The following RBFOX3 variants were observed in gnomAD, a reference collection of about 807,000 sequenced individuals.
The protein encoded by RBFOX3 is RNA binding fox-1 homolog 3, also known as RNA binding protein fox-1 homolog 3.
A neutral mutation model predicts 48.7 loss-of-function variants in RBFOX3; 17 were observed. That is an observed-to-expected ratio of 0.35 (90% CI 0.24 to 0.52). The LOEUF is 0.52. Among genes scored for constraint, RBFOX3 ranks in the 20% least tolerant of loss-of-function variants. The pLI is 0.94. For synonymous variants in RBFOX3, 212 were observed against 209.5 expected (o/e 1.01, Z -0.10); for missense variants, 382 against 497.5 (o/e 0.77, Z 2.21).
At chr17:79,116,184 T>C (rs1013867698) in intron 4 of RBFOX3, among the ~76,000 whole-genome samples, 3 of 152,170 alleles carry the variant, frequency 2.0e-5, no homozygotes, top group African/African-American at 7.2e-5. Flanking sequence ...CTGACATGGA[T>C]TCACACAACA....
intron 2 of RBFOX3, among the ~76,000 whole-genome samples, chr17:79,310,693 G>C (rs1330699768): frequency 6.6e-6 from 1 of 152,202 alleles, no homozygotes; most frequent in Non-Finnish European, 1.5e-5. Flanking sequence ...TCTGTGGAGG[G>C]AGCACCGCTC....
intron 2 of RBFOX3, among the ~76,000 whole-genome samples, chr17:79,409,465 C>G (rs1456621583): frequency 6.6e-6 from 1 of 152,214 alleles, no homozygotes; most frequent in Non-Finnish European, 1.5e-5. Flanking sequence ...TCCAACAATG[C>G]ACAAGGGTTC....
chr17:79,395,800 A>G (rs1394779546), intron 2 of RBFOX3, among the ~76,000 whole-genome samples: 3 of 152,198 alleles, frequency 2.0e-5, no homozygotes, highest in Admixed American at 1.3e-4. Flanking sequence ...TCAGCCCTGG[A>G]TTGAGGCTGC....
intron 2 of RBFOX3, among the ~76,000 whole-genome samples, chr17:79,407,079 C>T (rs950923287): frequency 8.5e-5 from 13 of 152,370 alleles, no homozygotes; most frequent in African/African-American, 3.1e-4. Context: ...GCAATCTTGG[C>T]TCACTGCAAC....
chr17:79,113,809 A>G (rs2032929593), intron 5 of RBFOX3, among the ~76,000 whole-genome samples: 1 of 152,114 alleles, frequency 6.6e-6, no homozygotes, highest in African/African-American at 2.4e-5. Flanking sequence ...TCTTCTTTGT[A>G]GCCTCAGTGC....
intron 4 of RBFOX3, among the ~76,000 whole-genome samples, chr17:79,127,536 G>C (rs2037619389): frequency 6.6e-6 from 1 of 152,180 alleles, no homozygotes; most frequent in Admixed American, 6.5e-5. Context: ...GGTCAAAGAA[G>C]TTTTAGGGAA....
the RBFOX3 span, among the ~76,000 whole-genome samples, chr17:79,627,941 C>A: frequency 6.6e-6 from 1 of 151,654 alleles, no homozygotes; most frequent in Non-Finnish European, 1.5e-5. Flanking sequence ...CGTCAACCCC[C>A]TCACCTCTGT....
upstream of RBFOX3, among the ~76,000 whole-genome samples, chr17:79,614,590 TATTAGGC>T (rs1195520225): frequency 6.6e-6 from 1 of 152,052 alleles, no homozygotes; most frequent in Non-Finnish European, 1.5e-5. Context: ...AGGAAACAGA[TATTAGGC>T]AGGGAGGAGA....
intron 2 of RBFOX3, among the ~76,000 whole-genome samples, chr17:79,420,128 T>G: frequency 8.7e-6 from 1 of 114,370 alleles, no homozygotes; most frequent in South Asian, 3.0e-4. Context: ...CTCCGTCTCA[T>G]ACACACACAC....
In RBFOX3 at chr17:79,175,569, G is replaced by A. The variant is rs572548354; in HGVS notation, c.-33-59821C>T. ...AGCAGCCCTCTTCCTGTCTCCAGGC[G>A]GTCCAGGGCCTGGCAGACACACTGC... On this transcript the variant is annotated intron_variant, in intron 4 of 14. Coordinates refer to ENST00000693108, the MANE Select transcript of RBFOX3 (RefSeq NM_001350451.2). Among the ~76,000 whole-genome samples, 9 of 152,336 alleles carry A rather than the reference G, an allele frequency of 5.9e-5. No individual in the cohort carries two copies. In the South Asian group the frequency reaches 8.3e-4, roughly 14 times the overall value.
intron 4 of RBFOX3, among the ~76,000 whole-genome samples, chr17:79,209,772 T>C (rs2058098116): frequency 6.6e-6 from 1 of 151,896 alleles, no homozygotes; most frequent in Non-Finnish European, 1.5e-5. Context: ...GGCGGGTGGA[T>C]CACGAGGTCA....
At chr17:79,568,063 G>A (rs1033230307) in intron 1 of RBFOX3, among the ~76,000 whole-genome samples, 7 of 152,168 alleles carry the variant, frequency 4.6e-5, no homozygotes, top group African/African-American at 7.2e-5. Context: ...GTGTACTTGC[G>A]CTGGGTACTT....
At chr17:79,207,669 T>C (rs1435499996) in intron 4 of RBFOX3, among the ~76,000 whole-genome samples, 2 of 152,056 alleles carry the variant, frequency 1.3e-5, no homozygotes, top group Admixed American at 1.3e-4. Context: ...GGGCCTAAGC[T>C]CCCTTCCCTT....
At chr17:79,248,955 G>A (rs991810073) in intron 3 of RBFOX3, among the ~76,000 whole-genome samples, 1 of 152,062 alleles carries the variant, frequency 6.6e-6, no homozygotes, top group Non-Finnish European at 1.5e-5. Context: ...CTGTGGGAGG[G>A]CCCCCGCCTG....
chr17:79,240,007 A>G (rs11658596), intron 3 of RBFOX3, among the ~76,000 whole-genome samples: 50,576 of 152,020 alleles, frequency 0.33, 8,892 homozygotes, highest in East Asian at 0.59. Flanking sequence ...CCTGGCTCAC[A>G]GTTCAACTTC....
chr17:79,634,152 C>T, the RBFOX3 span, among the ~76,000 whole-genome samples: 1 of 152,196 alleles, frequency 6.6e-6, no homozygotes, highest in Non-Finnish European at 1.5e-5. Flanking sequence ...CACCTCCACA[C>T]CTCTCCCATG....
chr17:79,371,089 C>T (rs1273367644), intron 2 of RBFOX3, among the ~76,000 whole-genome samples: 1 of 152,206 alleles, frequency 6.6e-6, no homozygotes, highest in Non-Finnish European at 1.5e-5. Context: ...AGCACGGTGT[C>T]CCTCCTCCTG....
At chr17:79,350,739 C>T (rs2083765058) in intron 2 of RBFOX3, among the ~76,000 whole-genome samples, 2 of 152,172 alleles carry the variant, frequency 1.3e-5, no homozygotes, top group African/African-American at 4.8e-5. Context: ...TGTGAGAGCC[C>T]CTGATGAGGG....
chr17:79,167,559 C>T (rs2048276061), intron 4 of RBFOX3, among the ~76,000 whole-genome samples: 1 of 152,188 alleles, frequency 6.6e-6, no homozygotes, highest in Non-Finnish European at 1.5e-5. Flanking sequence ...TTGAGGACTC[C>T]AATTTACAGA....
Sources: gnomAD v4.1 joint callset for allele counts (sites outside exome capture counted in the v4.1 genomes callset) on GRCh38, gnomAD v4.1.1 for gene constraint, MANE v1.5 for transcripts, NCBI Gene and HGNC (gene_info 2026-07-23, HGNC 2026-07-21) for gene names.